Variants in MIPEP observed in about 807,000 individuals in gnomAD.
MIPEP encodes the protein mitochondrial intermediate peptidase.
In MIPEP, 79 loss-of-function variants were observed where a neutral mutation model predicts 90.3. The observed-to-expected ratio is 0.87, with a 90% CI of 0.73 to 1.05. MIPEP has a LOEUF of 1.05. Ranked by LOEUF, MIPEP falls within the 50% of genes least tolerant of loss-of-function variation. The probability of loss-of-function intolerance (pLI) is 0.00; values close to 1 mark genes in which losing one functional copy is unlikely to be tolerated. For missense variants in MIPEP, 940 were observed against 905.6 expected, an observed-to-expected ratio of 1.04 and a Z score of -0.49; for synonymous variants, 334 against 315.8, an observed-to-expected ratio of 1.06 and a Z score of -0.61.
intron 18 of MIPEP, among the ~76,000 whole-genome samples, chr13:23,748,036 G>A (rs1344489770): frequency 6.6e-5 from 10 of 152,060 alleles, no homozygotes; most frequent in Admixed American, 6.6e-4. Context: ...ACTGTGCCTG[G>A]CCTGTTTTGT....
chr13:23,796,902 T>C (rs1330017620), intron 16 of MIPEP, among the ~76,000 whole-genome samples: 2 of 152,208 alleles, frequency 1.3e-5, no homozygotes, highest in Non-Finnish European at 2.9e-5. Flanking sequence ...ATAAGTTATA[T>C]GCTAAAAGTT....
rs2312297 is a variant in MIPEP, at chr13:23,881,740, A to G, written c.411T>C (p.Ala137=). ...CAATACTTCTACAAGCTTCTTCCGC[A>G]GCTTCTCTGAATGCTGGCTCAGGGT... ...IAHPEPAFRE[A]AEEACRSIGT... The change falls in exon 3 of 19, where the codon GCT becomes GCC. Residue 137 remains alanine (A), a synonymous_variant. Transcript: ENST00000382172. 2 of 1,614,090 alleles carry G rather than the reference A, an allele frequency of 1.2e-6. No individual in the cohort carries two copies. Among genetic ancestry groups the G allele is most frequent in the East Asian group, 2.2e-5 (1 of 44,874 alleles).
At chr13:23,748,005 C>T (rs1375186025) in intron 18 of MIPEP, among the ~76,000 whole-genome samples, 1 of 152,132 alleles carries the variant, frequency 6.6e-6, no homozygotes, top group Non-Finnish European at 1.5e-5. Flanking sequence ...TCCCAAAGTG[C>T]TGGTATTACA....
At chr13:23,730,878 A>T (rs3829345) in intron 18 of MIPEP, among the ~76,000 whole-genome samples, 39,339 of 152,040 alleles carry the variant, frequency 0.26, 6,224 homozygotes, top group African/African-American at 0.45. Flanking sequence ...TTTTATAGAA[A>T]TCTTATATCA....
At chr13:23,756,908 T>C (rs902687274) in intron 17 of MIPEP, 8 of 362,246 alleles carry the variant, frequency 2.2e-5, no homozygotes, top group African/African-American at 1.7e-4. Context: ...TTATGTATTA[T>C]ACAATAGCTG....
chr13:23,855,520 C>A (rs962635034), intron 10 of MIPEP, among the ~76,000 whole-genome samples: 1 of 152,096 alleles, frequency 6.6e-6, no homozygotes, highest in Non-Finnish European at 1.5e-5. Flanking sequence ...TAAGTCTTTA[C>A]TTGAAAGGTG....
chr13:23,853,536 T>C (rs1442770542), intron 10 of MIPEP, among the ~76,000 whole-genome samples: 1 of 151,452 alleles, frequency 6.6e-6, no homozygotes, highest in African/African-American at 2.4e-5. Flanking sequence ...TCTAAGATCA[T>C]ACAATGACAA....
chr13:23,811,610 AC>A (rs1212261203), intron 14 of MIPEP, among the ~76,000 whole-genome samples: 1 of 152,228 alleles, frequency 6.6e-6, no homozygotes, highest in East Asian at 1.9e-4. Flanking sequence ...TACCAGAGTC[AC>A]ATAGCCAGAG....
At chr13:23,806,716 A>ATATCTATCTATC (rs10675933) in intron 15 of MIPEP, among the ~76,000 whole-genome samples, 2,012 of 147,244 alleles carry the variant, frequency 0.014, 17 homozygotes, top group Middle Eastern at 0.021. Flanking sequence ...AAAAAAATCT[A>ATATCTATCTATC]TATCTATCTA....
chr13:23,837,578 C>T lies in MIPEP; in HGVS notation c.1517G>A (p.Gly506Glu). ...EMGHAMHSML[G>E]RTRYQHVTGT... The stretch of plus-strand genomic sequence containing the variant: ...AGTGACGTGTTGGTAACGAGTACGT[C>T]CTAGCATTGAATGCATGGCATGTCC... The change falls in exon 13 of 19, where the codon GGA becomes GAA. Residue 506 changes from glycine to glutamate, a missense_variant. Physicochemically the swap from Gly to Glu is moderately conservative, Grantham distance 98. Coordinates refer to ENST00000382172, the MANE Select transcript of MIPEP (RefSeq NM_005932.4). 1 of 1,613,884 alleles carries T rather than the reference C, an allele frequency of 6.2e-7. No homozygotes were observed. The highest frequency in any genetic ancestry group is 8.5e-7 in the Non-Finnish European group (1 of 1,179,822).
chr13:23,859,929 C>T (rs1358868626), intron 9 of MIPEP, among the ~76,000 whole-genome samples: 1 of 152,200 alleles, frequency 6.6e-6, no homozygotes, highest in Non-Finnish European at 1.5e-5. Flanking sequence ...TACTTGTAGG[C>T]TTATTTTCTT....
In MIPEP at chr13:23,886,471, T is replaced by C. The variant is rs1201682940; in HGVS notation, c.225A>G (p.Glu75=). ...LFGVPELSAP[E]GFHIAQEKAL... Reference sequence around the variant, plus strand: ...CTTTTTCTTGTGCAATATGAAATCCTTCTGGGGCACTCAGCTCAGGAACTC... The same window carrying C: ...CTTTTTCTTGTGCAATATGAAATCCCTCTGGGGCACTCAGCTCAGGAACTC... The change falls in exon 2 of 19, where the codon GAA becomes GAG. Residue 75 remains glutamate (E), a synonymous_variant. Coordinates refer to ENST00000382172, the MANE Select transcript of MIPEP (RefSeq NM_005932.4). 1.9e-6 allele frequency: 3 copies of C among 1,600,700 alleles called. No individual in the cohort carries two copies. The highest frequency in any genetic ancestry group is 1.1e-5 in the South Asian group (1 of 89,440).
At chr13:23,818,169 C>A (rs1408255075) in intron 14 of MIPEP, among the ~76,000 whole-genome samples, 2 of 151,834 alleles carry the variant, frequency 1.3e-5, no homozygotes. Flanking sequence ...GTAATCCCAG[C>A]ACTTTGGAAG....
At chr13:23,857,610 T>C (rs1593194434) in intron 10 of MIPEP, among the ~76,000 whole-genome samples, 1 of 152,104 alleles carries the variant, frequency 6.6e-6, no homozygotes, top group African/African-American at 2.4e-5. Context: ...TAAAAAATAG[T>C]AACTGACCAA....
chr13:23,878,913 A>C (rs997322592), intron 4 of MIPEP, among the ~76,000 whole-genome samples: 2 of 152,196 alleles, frequency 1.3e-5, no homozygotes, highest in African/African-American at 4.8e-5. Context: ...CATGCCATGA[A>C]TGTGTAGGTA....
At chr13:23,786,501 CAAAT>C (rs944826594) in intron 16 of MIPEP, among the ~76,000 whole-genome samples, 8 of 151,632 alleles carry the variant, frequency 5.3e-5, no homozygotes, top group South Asian at 2.1e-4. Flanking sequence ...AGATGAAAGA[CAAAT>C]AACAAAATAG....
intron 8 of MIPEP, among the ~76,000 whole-genome samples, chr13:23,863,810 A>T (rs571575300): frequency 2.8e-4 from 42 of 152,364 alleles, no homozygotes; most frequent in African/African-American, 1.0e-3. Flanking sequence ...AAAGAAGAGA[A>T]ATACTACTTT....
At chr13:23,869,600 G>A in intron 6 of MIPEP, 152 bp from the exon 7 acceptor site, 1 of 713,648 alleles carries the variant, frequency 1.4e-6, no homozygotes. Flanking sequence ...AGCTTCCAGA[G>A]TCATAAAATA....
At chr13:23,787,409 AGAG>A (rs1952856878) in intron 16 of MIPEP, among the ~76,000 whole-genome samples, 1 of 111,934 alleles carries the variant, frequency 8.9e-6, no homozygotes. Flanking sequence ...GGAGAGGGAG[AGAG>A]AGAGAGAGAG....
Sources: gnomAD v4.1 joint callset for allele counts (sites outside exome capture counted in the v4.1 genomes callset) on GRCh38, gnomAD v4.1.1 for gene constraint, MANE v1.5 for transcripts, NCBI Gene and HGNC (gene_info 2026-07-23, HGNC 2026-07-21) for gene names.